NEBL: variants seen among roughly 807,000 people sequenced by gnomAD.
The protein encoded by NEBL is LIM and SH3 protein 2.
Under a neutral mutation model 140.2 loss-of-function variants are expected in NEBL, and 122 were observed. The ratio of observed to expected loss-of-function variants is 0.87; its 90% CI spans 0.75 to 1.01. The LOEUF (loss-of-function observed/expected upper bound fraction) is 1.01, where lower values mean the gene tolerates loss of function less well. Among genes scored for constraint, NEBL ranks in the 50% least tolerant of loss-of-function variants. The pLI is 0.00. For synonymous variants in NEBL, 436 were observed against 398.9 expected (o/e 1.09, Z -1.11); for missense variants, 1,365 against 1,231.3 (o/e 1.11, Z -1.62).
chr10:21,251,172 T>C (rs1027015801), intron 2 of NEBL, among the ~76,000 whole-genome samples: 16 of 152,232 alleles, frequency 1.1e-4, no homozygotes, highest in African/African-American at 3.6e-4. Context: ...AGTAGCTGTT[T>C]CTTTTACTTC....
chr10:21,012,029 G>A (rs1838360106), intron 3 of NEBL, among the ~76,000 whole-genome samples: 1 of 152,186 alleles, frequency 6.6e-6, no homozygotes, highest in Non-Finnish European at 1.5e-5. Flanking sequence ...GAGGAGATTG[G>A]GAATACATTT....
chr10:20,859,849 C>T (rs773275380), intron 7 of NEBL, 23 bp from the exon 8 acceptor site: 6 of 1,113,222 alleles, frequency 5.4e-6, no homozygotes, highest in South Asian at 2.7e-5. Flanking sequence ...AGAAATAGTA[C>T]ATGTAACTTT....
intron 5 of NEBL, 49 bp downstream of exon 5, chr10:20,880,745 T>C (rs1302417119): frequency 7.4e-7 from 1 of 1,344,554 alleles, no homozygotes; most frequent in African/African-American, 1.4e-5. Flanking sequence ...AGCCCTAATA[T>C]GACTTAACTA....
intron 1 of NEBL, among the ~76,000 whole-genome samples, chr10:21,276,471 C>T (rs528636970): frequency 1.3e-5 from 2 of 152,250 alleles, no homozygotes; most frequent in East Asian, 3.9e-4. Flanking sequence ...CTACCCCTTC[C>T]TCACAGAAGC....
Position 21,173,724 on chromosome 10 carries a change from C to A in NEBL, c.69+41G>T. 6.2e-7 allele frequency: 1 copy of A among 1,611,614 alleles called. No individual in the cohort carries two copies. Among genetic ancestry groups the A allele is most frequent in the Non-Finnish European group, 8.5e-7 (1 of 1,179,774 alleles). The stretch of plus-strand genomic sequence containing the variant: ...ACTTCTCGAAGCAGGTGCAGCCCCT[C>A]GCCCGGCAGGTCCAGGCTGGCCCGG... On this transcript the variant is annotated intron_variant, in intron 1 of 6. Transcript: ENST00000417816. The surrounding 1 kb of genome is among the most constrained non-coding windows in gnomAD (Gnocchi z 5.7).
intron 3 of NEBL, among the ~76,000 whole-genome samples, chr10:21,210,848 A>G (rs1371339652): frequency 1.3e-5 from 2 of 152,260 alleles, no homozygotes; most frequent in East Asian, 3.8e-4. Context: ...TTATAAATGT[A>G]CACGCTATGT....
chr10:20,936,244 T>C (rs1323822066), intron 4 of NEBL, among the ~76,000 whole-genome samples: 3 of 152,174 alleles, frequency 2.0e-5, no homozygotes, highest in Non-Finnish European at 4.4e-5. Flanking sequence ...TTCATTTCCA[T>C]TTTACAGATG....
chr10:21,238,404 A>G lies in NEBL; in HGVS notation n.348+9517T>C, dbSNP rs147109352. On this transcript the variant is annotated intron_variant and non_coding_transcript_variant, in intron 3 of 8. Transcript: ENST00000675702. ...AGTGAGTATGATGTTTTTCCTTTAA[A>G]GTTAAGAAAGTTGGGCCGGGCCCGG... Among the ~76,000 whole-genome samples, 30 of 152,280 alleles carry G rather than the reference A, an allele frequency of 2.0e-4. No homozygotes were observed. The East Asian group carries it at 3.3e-3, about 17-fold the overall frequency.
intron 3 of NEBL, among the ~76,000 whole-genome samples, chr10:21,006,257 C>G (rs905242564): frequency 6.6e-6 from 1 of 152,126 alleles, no homozygotes; most frequent in African/African-American, 2.4e-5. Flanking sequence ...CTTGTACTTA[C>G]GCTTTCTATG....
At chr10:21,150,390 C>T (rs915159908) in intron 2 of NEBL, among the ~76,000 whole-genome samples, 7 of 152,310 alleles carry the variant, frequency 4.6e-5, no homozygotes, top group South Asian at 2.1e-4. Flanking sequence ...ATAACTTTGC[C>T]TTCCTGCTAA....
Position 21,173,939 on chromosome 10 carries a change from G to C in NEBL, c.-106C>G. 1 of 1,394,410 alleles carries C rather than the reference G, an allele frequency of 7.2e-7. No individual in the cohort carries two copies. The highest frequency in any genetic ancestry group is 9.2e-7 in the Non-Finnish European group (1 of 1,085,928). The allele number at this position is 1,394,410 out of a possible 1,614,324, so 86.4% of individuals were successfully genotyped here. On this transcript the variant is annotated 5_prime_UTR_variant, in exon 1 of 7. Transcript: ENST00000417816. The surrounding 1 kb of genome is among the most constrained non-coding windows in gnomAD (Gnocchi z 5.7). ...CCGCCTCCTGGCAGGCGGGAGGGCT[G>C]CGGGCGGCGGGCGCCGGGTAGGGAG...
chr10:21,240,012 C>CAT (rs1564548204), intron 3 of NEBL, among the ~76,000 whole-genome samples: 4 of 149,670 alleles, frequency 2.7e-5, no homozygotes, highest in Non-Finnish European at 5.9e-5. Context: ...CGAGACTCTG[C>CAT]CTCAAAAAAA....
At chr10:21,174,068 C>A in exon 1 of NEBL, 1 of 1,093,506 alleles carries the variant, frequency 9.1e-7, no homozygotes, top group Non-Finnish European at 1.1e-6. Flanking sequence ...GGCTCCGGCT[C>A]CGGCTCCGCG....
chr10:21,279,712 C>T (rs949374734), intron 1 of NEBL, among the ~76,000 whole-genome samples: 2 of 149,926 alleles, frequency 1.3e-5, no homozygotes, highest in African/African-American at 2.5e-5. Context: ...GAGCCAAGAT[C>T]GCATCATTGC....
chr10:21,193,757 C>G (rs796673733), intron 3 of NEBL, among the ~76,000 whole-genome samples: 3 of 152,300 alleles, frequency 2.0e-5, no homozygotes, highest in African/African-American at 7.2e-5. Context: ...TTTATACAGT[C>G]TTGTAAGGAA....
chr10:20,835,764 C>A, intron 13 of NEBL, 141 bp from the exon 14 acceptor site: 1 of 706,578 alleles, frequency 1.4e-6, no homozygotes, highest in South Asian at 1.5e-5. Context: ...AATGATCACT[C>A]ACAACTAACT....
At chr10:21,211,699 T>C (rs929462397) in intron 3 of NEBL, among the ~76,000 whole-genome samples, 16 of 152,180 alleles carry the variant, frequency 1.1e-4, no homozygotes, top group African/African-American at 3.1e-4. Context: ...TGAGTCCTTT[T>C]GTAAAGGTAA....
chr10:21,037,815 G>A (rs948868716), intron 2 of NEBL, among the ~76,000 whole-genome samples: 26 of 97,994 alleles, frequency 2.7e-4, no homozygotes, highest in African/African-American at 8.7e-4. Context: ...CCCTAATGAA[G>A]AGTAGAAAGA....
intron 4 of NEBL, among the ~76,000 whole-genome samples, chr10:20,924,224 C>T (rs947694748): frequency 6.6e-6 from 1 of 151,894 alleles, no homozygotes; most frequent in Non-Finnish European, 1.5e-5. Context: ...GCCAGGGATG[C>T]TTCCAAACCT....
Sources: allele counts gnomAD v4.1 joint callset (sites outside exome capture counted in the v4.1 genomes callset), GRCh38; gene constraint gnomAD v4.1.1; non-coding constraint Gnocchi (gnomAD v3.1); transcripts MANE v1.5; gene names NCBI Gene and HGNC (gene_info 2026-07-23, HGNC 2026-07-21).